The following HECW1 variants were observed in gnomAD, a reference collection of about 807,000 sequenced individuals.
HECW1 encodes E3 ubiquitin-protein ligase HECW1.
HECW1 carries 61 observed loss-of-function variants against 182.3 expected under a neutral mutation model. The observed-to-expected ratio is 0.33, with a 90% CI of 0.27 to 0.41. The LOEUF (loss-of-function observed/expected upper bound fraction) is 0.41, where lower values mean the gene tolerates loss of function less well. Among genes scored for constraint, HECW1 ranks in the 10% least tolerant of loss-of-function variants. HECW1 has a pLI of 1.00. For missense variants in HECW1, 1,739 were observed against 2,108.9 expected (o/e 0.82, Z 3.44); for synonymous variants, 859 against 832.6 (o/e 1.03, Z -0.55).
chr7:43,344,692 T>A (rs1214896937), intron 5 of HECW1, among the ~76,000 whole-genome samples: 2 of 152,124 alleles, frequency 1.3e-5, no homozygotes, highest in Non-Finnish European at 2.9e-5. Context: ...TGCTCTTTCG[T>A]CTATATTTTC....
intron 3 of HECW1, among the ~76,000 whole-genome samples, chr7:43,304,636 C>A (rs75419983): frequency 0.011 from 1,722 of 152,190 alleles, 38 homozygotes; most frequent in African/African-American, 0.04. Flanking sequence ...GGATTACAGA[C>A]ACGTGTCACC....
intron 2 of HECW1, among the ~76,000 whole-genome samples, chr7:43,185,112 G>A (rs1380073456): frequency 6.6e-6 from 1 of 152,062 alleles, no homozygotes; most frequent in Non-Finnish European, 1.5e-5. Context: ...CAATGCCCGT[G>A]TAGTGAAGTT....
chr7:43,406,174 T>C lies in HECW1; in HGVS notation c.632-1388T>C, dbSNP rs374042953. 3.3e-4 allele frequency among the ~76,000 whole-genome samples: 50 copies of C among 152,354 alleles called. No individual in the cohort carries two copies. In the South Asian group the frequency reaches 9.9e-3, roughly 30 times the overall value. On this transcript the variant is annotated intron_variant, in intron 7 of 29. Coordinates refer to ENST00000395891, the MANE Select transcript of HECW1 (RefSeq NM_015052.5). ...TTATATACCCCTTCCCTATGGTACA[T>C]AAGCCCTGGGTCTAGGGAGTAACAG...
chr7:43,335,352 G>A (rs1811984640), intron 5 of HECW1, among the ~76,000 whole-genome samples: 1 of 152,130 alleles, frequency 6.6e-6, no homozygotes, highest in South Asian at 2.1e-4. Context: ...AAGTGGTTAT[G>A]GTGACCTTAC....
chr7:43,179,094 C>A (rs1792544221), intron 2 of HECW1, among the ~76,000 whole-genome samples: 1 of 152,196 alleles, frequency 6.6e-6, no homozygotes, highest in Admixed American at 6.5e-5. Context: ...CAGAATAATT[C>A]ATCTCCTTTC....
chr7:43,193,286 C>T (rs1413923389), intron 2 of HECW1, among the ~76,000 whole-genome samples: 2 of 152,196 alleles, frequency 1.3e-5, no homozygotes, highest in Non-Finnish European at 2.9e-5. Context: ...GCAGGATCTT[C>T]GTGACCTGTA....
intron 6 of HECW1, among the ~76,000 whole-genome samples, chr7:43,362,323 C>G (rs1481854382): frequency 6.6e-6 from 1 of 152,192 alleles, no homozygotes; most frequent in East Asian, 1.9e-4. Flanking sequence ...GGCCCAAAGC[C>G]TGGCTGCCTC....
chr7:43,175,144 T>C (rs1792095399), intron 2 of HECW1, among the ~76,000 whole-genome samples: 1 of 150,710 alleles, frequency 6.6e-6, no homozygotes, highest in Admixed American at 6.6e-5. Context: ...GATTTCATGT[T>C]TTTTTTTTGA....
intron 2 of HECW1, among the ~76,000 whole-genome samples, chr7:43,158,974 T>C (rs1430160911): frequency 6.6e-6 from 1 of 152,124 alleles, no homozygotes; most frequent in Non-Finnish European, 1.5e-5. Context: ...AGGTTCTGAT[T>C]GAGTAGGTGG....
At chr7:43,312,204 CTA>C (rs1291799293) in intron 4 of HECW1, 117 bp downstream of exon 4, 1 of 947,534 alleles carries the variant, frequency 1.1e-6, no homozygotes, top group African/African-American at 1.7e-5. Flanking sequence ...ATGCCAGATT[CTA>C]ACACACTGAA....
intron 5 of HECW1, among the ~76,000 whole-genome samples, chr7:43,338,992 G>T (rs558781005): frequency 5.7e-4 from 87 of 152,216 alleles, no homozygotes; most frequent in Admixed American, 1.2e-3. Flanking sequence ...TTTCTCTTTA[G>T]CACTTAGGAA....
At chr7:43,388,860 G>A (rs1376813213) in intron 6 of HECW1, among the ~76,000 whole-genome samples, 1 of 152,222 alleles carries the variant, frequency 6.6e-6, no homozygotes, top group East Asian at 1.9e-4. Context: ...ACCTGTGCCA[G>A]TGGGTGCCTC....
intron 3 of HECW1, among the ~76,000 whole-genome samples, chr7:43,291,923 A>G (rs1286971146): frequency 1.3e-5 from 2 of 152,202 alleles, no homozygotes; most frequent in East Asian, 3.9e-4. Context: ...TAAGATTAGG[A>G]GGCCAGGAAA....
chr7:43,126,225 A>G (rs1053830571), intron 2 of HECW1, among the ~76,000 whole-genome samples: 7 of 151,982 alleles, frequency 4.6e-5, no homozygotes, highest in East Asian at 1.9e-4. Flanking sequence ...TCCATAAAGC[A>G]TTGTGCAAAC....
At chr7:43,266,242 C>T (rs1801777924) in intron 3 of HECW1, among the ~76,000 whole-genome samples, 1 of 152,160 alleles carries the variant, frequency 6.6e-6, no homozygotes, top group Non-Finnish European at 1.5e-5. Context: ...CCAAGAGCTA[C>T]CTCATTACCA....
chr7:43,456,991 A>G (rs1640150690), intron 13 of HECW1, among the ~76,000 whole-genome samples: 1 of 152,236 alleles, frequency 6.6e-6, no homozygotes, highest in African/African-American at 2.4e-5. Context: ...TATGCCCATC[A>G]ATAATAATTC....
At chr7:43,330,124 G>A (rs985575710) in intron 5 of HECW1, among the ~76,000 whole-genome samples, 3 of 152,120 alleles carry the variant, frequency 2.0e-5, no homozygotes, top group Non-Finnish European at 2.9e-5. Flanking sequence ...GGTCCATGTC[G>A]CCTCCCCTTG....
chr7:43,130,110 A>G (rs1469717753), intron 2 of HECW1, among the ~76,000 whole-genome samples: 1 of 152,188 alleles, frequency 6.6e-6, no homozygotes, highest in East Asian at 1.9e-4. Context: ...GACTTACATA[A>G]TTCTAGGTGT....
intron 16 of HECW1, among the ~76,000 whole-genome samples, chr7:43,479,061 C>T (rs1179076409): frequency 2.0e-5 from 3 of 151,942 alleles, no homozygotes; most frequent in African/African-American, 7.3e-5. Context: ...AATTTTTCCA[C>T]GGATGGGAGG....
Sources: gnomAD v4.1 joint callset for allele counts (sites outside exome capture counted in the v4.1 genomes callset) on GRCh38, gnomAD v4.1.1 for gene constraint, MANE v1.5 for transcripts, NCBI Gene and HGNC (gene_info 2026-07-23, HGNC 2026-07-21) for gene names.